The following SLIT3 variants were observed in gnomAD, a reference collection of about 807,000 sequenced individuals.
The protein encoded by SLIT3 is slit homolog 3 protein.
In SLIT3, 68 loss-of-function variants were observed where a neutral mutation model predicts 184.0. The observed-to-expected ratio is 0.37, with a 90% CI of 0.30 to 0.45. SLIT3 has a LOEUF of 0.45. Ranked by LOEUF, SLIT3 falls within the 20% of genes least tolerant of loss-of-function variation. The pLI, the probability that SLIT3 is intolerant of heterozygous loss-of-function variation, is 1.00. For missense variants in SLIT3, 1,707 were observed against 2,026.0 expected (o/e 0.84, Z 3.02); for synonymous variants, 831 against 828.6 (o/e 1.00, Z -0.05).
chr5:169,134,621 G>A (rs1376521742), intron 4 of SLIT3, among the ~76,000 whole-genome samples: 1 of 152,242 alleles, frequency 6.6e-6, no homozygotes, highest in South Asian at 2.1e-4. Flanking sequence ...GCTGGGGGAG[G>A]GATAGCATTA....
intron 20 of SLIT3, among the ~76,000 whole-genome samples, chr5:168,743,941 G>T (rs1294811333): frequency 1.3e-5 from 2 of 152,204 alleles, no homozygotes; most frequent in African/African-American, 4.8e-5. Context: ...TGACAGAGGT[G>T]AGAAAACTGC....
chr5:168,908,531 C>T (rs1005473954), intron 4 of SLIT3, among the ~76,000 whole-genome samples: 4 of 152,164 alleles, frequency 2.6e-5, no homozygotes, highest in African/African-American at 7.2e-5. Flanking sequence ...TCGTGGACTG[C>T]ACTGCTAAAC....
At chr5:169,121,072 C>A (rs567084916) in intron 4 of SLIT3, among the ~76,000 whole-genome samples, 35 of 152,252 alleles carry the variant, frequency 2.3e-4, no homozygotes, top group African/African-American at 7.2e-4. Flanking sequence ...AATTTACACA[C>A]CTAGTACATG....
chr5:168,698,399 C>G (rs188540208), intron 27 of SLIT3, among the ~76,000 whole-genome samples: 3 of 152,208 alleles, frequency 2.0e-5, no homozygotes, highest in South Asian at 2.1e-4. Flanking sequence ...AAAGCAGACA[C>G]AGAGAGAGCA....
intron 3 of SLIT3, among the ~76,000 whole-genome samples, chr5:169,203,085 G>T (rs1374763501): frequency 1.3e-5 from 2 of 152,162 alleles, no homozygotes; most frequent in East Asian, 1.9e-4. Flanking sequence ...TGGTTCTGCA[G>T]AGAATGGGCC....
At chr5:168,925,646 C>T (rs1761794856) in intron 4 of SLIT3, among the ~76,000 whole-genome samples, 1 of 148,792 alleles carries the variant, frequency 6.7e-6, no homozygotes, top group African/African-American at 2.5e-5. Flanking sequence ...GTAAGGCAAT[C>T]TGTAGTCTCT....
intron 5 of SLIT3, among the ~76,000 whole-genome samples, chr5:168,879,679 C>G (rs888646700): frequency 1.3e-5 from 2 of 152,174 alleles, no homozygotes; most frequent in African/African-American, 2.4e-5. Context: ...AGTCCTTCAA[C>G]CAGCAGGAAC....
chr5:169,001,069 G>C (rs756649468), intron 4 of SLIT3, among the ~76,000 whole-genome samples: 1 of 152,216 alleles, frequency 6.6e-6, no homozygotes, highest in Non-Finnish European at 1.5e-5. Context: ...ATGGGAAAAA[G>C]ATGCTTTCTG....
chr5:168,741,478 CAAAAAA>C (rs3061744), intron 20 of SLIT3, among the ~76,000 whole-genome samples: 9 of 81,588 alleles, frequency 1.1e-4, no homozygotes, highest in East Asian at 8.0e-4. Flanking sequence ...GACTCGGTCT[CAAAAAA>C]AAAAAAAAAA....
At chr5:169,281,611 GA>G (rs1766996168) in intron 1 of SLIT3, among the ~76,000 whole-genome samples, 3 of 62,784 alleles carry the variant, frequency 4.8e-5, no homozygotes, top group Admixed American at 2.7e-4. Flanking sequence ...TTGATGGGGG[GA>G]AATGGACACA....
At chr5:168,876,107 T>A (rs1226000400) in intron 5 of SLIT3, among the ~76,000 whole-genome samples, 1 of 152,120 alleles carries the variant, frequency 6.6e-6, no homozygotes, top group African/African-American at 2.4e-5. Context: ...TGCACTGAAG[T>A]ACACCTCTGT....
At chr5:168,673,604 C>T (rs1261310756) in intron 32 of SLIT3, among the ~76,000 whole-genome samples, 1 of 152,202 alleles carries the variant, frequency 6.6e-6, no homozygotes, top group Non-Finnish European at 1.5e-5. Context: ...AAGTTACATA[C>T]ATTACAGCCC....
chr5:168,817,743 C>G (rs999373069), intron 7 of SLIT3, among the ~76,000 whole-genome samples: 1 of 152,186 alleles, frequency 6.6e-6, no homozygotes, highest in African/African-American at 2.4e-5. Flanking sequence ...AGCCTCAGCA[C>G]ATGAGAAAAG....
At chr5:168,797,332 C>T (rs1756601649) in intron 9 of SLIT3, among the ~76,000 whole-genome samples, 2 of 152,216 alleles carry the variant, frequency 1.3e-5, no homozygotes, top group Admixed American at 1.3e-4. Context: ...GCGTGCTCTC[C>T]AGGAATCCCG....
chr5:168,710,989 C>A lies in SLIT3; in HGVS notation c.2625G>T (p.Gly875=), dbSNP rs1174946751. 6.4e-7 allele frequency: 1 copy of A among 1,571,388 alleles called. No individual in the cohort carries two copies. Among genetic ancestry groups the A allele is most frequent in the African/African-American group, 1.3e-5 (1 of 74,098 alleles). ...LRWLSEWVKA[G]YKEPGIARCS... is the part of the protein sequence containing the mutation. ...AGCGGGCGATGCCAGGCTCCTTGTA[C>A]CCCGCCTTCACCCACTCCGACAGCC... Residue 875 remains glycine, a synonymous_variant, in exon 25 of 36, where the codon GGG becomes GGT. Coordinates refer to ENST00000519560, the MANE Select transcript of SLIT3 (RefSeq NM_003062.4).
chr5:169,032,508 C>CATT (rs1757064577), intron 4 of SLIT3, among the ~76,000 whole-genome samples: 1 of 129,902 alleles, frequency 7.7e-6, no homozygotes, highest in Admixed American at 7.4e-5. Flanking sequence ...ATGTGCCAGT[C>CATT]ATTTTTTTTT....
chr5:168,969,067 C>T (rs564551233), intron 4 of SLIT3, among the ~76,000 whole-genome samples: 1 of 152,198 alleles, frequency 6.6e-6, no homozygotes, highest in East Asian at 1.9e-4. Flanking sequence ...GCAAGATACA[C>T]CAAACTTGAA....
intron 32 of SLIT3, among the ~76,000 whole-genome samples, chr5:168,680,990 G>GA (rs1231839581): frequency 1.1e-4 from 17 of 151,924 alleles, no homozygotes; most frequent in Non-Finnish European, 5.9e-5. Context: ...GTCTCTTCCA[G>GA]AAAAAAACAA....
chr5:168,962,456 A>T (rs1053446230), intron 4 of SLIT3, among the ~76,000 whole-genome samples: 1 of 152,154 alleles, frequency 6.6e-6, no homozygotes, highest in African/African-American at 2.4e-5. Flanking sequence ...AGGAGAATAT[A>T]ACCAGACCAT....
Sources: allele counts gnomAD v4.1 joint callset (sites outside exome capture counted in the v4.1 genomes callset), GRCh38; gene constraint gnomAD v4.1.1; transcripts MANE v1.5; gene names NCBI Gene and HGNC (gene_info 2026-07-23, HGNC 2026-07-21).